EXOC5: variants seen among roughly 807,000 people sequenced by gnomAD.
The protein encoded by EXOC5 is SEC10-like 1.
Under a neutral mutation model 90.8 loss-of-function variants are expected in EXOC5, and 17 were observed. That is an observed-to-expected ratio of 0.19 (90% CI 0.13 to 0.28). The LOEUF (loss-of-function observed/expected upper bound fraction) is 0.28. Ranked by LOEUF, EXOC5 falls within the 10% of genes least tolerant of loss-of-function variation. The pLI is 1.00. For missense variants in EXOC5, 569 were observed against 830.6 expected (o/e 0.69, Z 3.87); for synonymous variants, 260 against 270.0 (o/e 0.96, Z 0.36).
intron 5 of EXOC5, 97 bp downstream of exon 5, chr14:57,239,498 T>C (rs548263236): frequency 2.7e-6 from 2 of 738,120 alleles, no homozygotes; most frequent in South Asian, 3.7e-5. Flanking sequence ...AAATTTCCGT[T>C]TAATTAATGG....
chr14:57,245,397 T>C (rs1884004675), intron 3 of EXOC5, among the ~76,000 whole-genome samples: 1 of 152,042 alleles, frequency 6.6e-6, no homozygotes. Context: ...CAACACACTT[T>C]ACAGATTAAA....
At chr14:57,255,809 G>A (rs1258281172) in intron 1 of EXOC5, among the ~76,000 whole-genome samples, 3 of 150,296 alleles carry the variant, frequency 2.0e-5, no homozygotes, top group African/African-American at 4.9e-5. Context: ...TCCAGCCTGG[G>A]CGACTGAGCA....
chr14:57,200,987 G>C lies in EXOC5; in HGVS notation c.*7622C>G, dbSNP rs1594638097. 2 of 152,310 alleles carry C rather than the reference G, an allele frequency of 1.3e-5. No homozygotes were observed. Among genetic ancestry groups the C allele is most frequent in the East Asian group, 3.9e-4 (2 of 5,172 alleles). The allele number at this position is 152,310 out of a possible 1,614,324, so 9.4% of individuals were successfully genotyped here. ...AGTATGGAAGCTCAAGTGAGGTGAGGAAGATGTTGCAGAGGGGCGCATGGG... is the reference window on the plus strand; with the variant it reads ...AGTATGGAAGCTCAAGTGAGGTGAGCAAGATGTTGCAGAGGGGCGCATGGG... On this transcript the variant is annotated 3_prime_UTR_variant, in exon 18 of 18. Coordinates refer to ENST00000621441, the MANE Select transcript of EXOC5 (RefSeq NM_006544.4).
chr14:57,256,388 G>T (rs1245449418), intron 1 of EXOC5, among the ~76,000 whole-genome samples: 1 of 152,140 alleles, frequency 6.6e-6, no homozygotes, highest in Non-Finnish European at 1.5e-5. Flanking sequence ...CCAGTTGAAG[G>T]TAAGGCAGAG....
At position 57,200,770 on chromosome 14, in the gene EXOC5, A is replaced by C. The variant is rs867885914; in HGVS notation, c.*7839T>G. 3.1e-4 allele frequency: 47 copies of C among 151,938 alleles called. No individual in the cohort carries two copies. Among genetic ancestry groups the C allele is most frequent in the Admixed American group, 3.3e-4 (5 of 15,260 alleles). The allele number at this position is 151,938 out of a possible 1,614,324, so 9.4% of individuals were successfully genotyped here. On this transcript the variant is annotated 3_prime_UTR_variant, in exon 18 of 18. Transcript: ENST00000621441. ...TGCTCACTACATTAAAAAAAAAAAA[A>C]AAAAACTTCCACCAAAAATATAGTT...
chr14:57,202,540 T>C lies in EXOC5; in HGVS notation c.*6069A>G, dbSNP rs886553485. On this transcript the variant is annotated 3_prime_UTR_variant, in exon 18 of 18. Transcript: ENST00000621441. ...ACAACCCTTCTGTTAAGTCTGATTG[T>C]TTCAAAAATTTTTCTTTAAAAAGCA... 1 of 152,180 alleles carries C rather than the reference T, an allele frequency of 6.6e-6. No individual in the cohort carries two copies. The highest frequency in any genetic ancestry group is 2.4e-5 in the African/African-American group (1 of 41,450). 9.4% of individuals were successfully genotyped at this position (152,180 alleles called of 1,614,324 possible). A position where few individuals can be genotyped will look rare whatever the true frequency, so the allele number is the denominator to read the frequency against.
chr14:57,218,717 G>A (rs566612947), intron 14 of EXOC5, among the ~76,000 whole-genome samples: 5 of 151,892 alleles, frequency 3.3e-5, no homozygotes, highest in Non-Finnish European at 7.4e-5. Context: ...GACTAGTCTC[G>A]GCATATCAAT....
chr14:57,223,852 C>T (rs1377027068), intron 12 of EXOC5, among the ~76,000 whole-genome samples: 3 of 152,036 alleles, frequency 2.0e-5, no homozygotes, highest in East Asian at 3.8e-4. Flanking sequence ...GGGTTCACAT[C>T]ATACAAAGTA....
At chr14:57,265,854 T>C (rs1200342880) in intron 1 of EXOC5, among the ~76,000 whole-genome samples, 1 of 152,218 alleles carries the variant, frequency 6.6e-6, no homozygotes, top group African/African-American at 2.4e-5. Flanking sequence ...TGTACATGGA[T>C]CTTTTCAGAA....
chr14:57,254,223 T>C (rs1594680247), intron 1 of EXOC5, among the ~76,000 whole-genome samples: 1 of 151,948 alleles, frequency 6.6e-6, no homozygotes, highest in African/African-American at 2.4e-5. Context: ...TCTCTTGAGG[T>C]CAGGAGTTCG....
intron 12 of EXOC5, among the ~76,000 whole-genome samples, chr14:57,224,137 C>T (rs551715395): frequency 1.3e-5 from 2 of 151,890 alleles, no homozygotes; most frequent in African/African-American, 4.8e-5. Context: ...TCAATGACCT[C>T]AGCTTCCACC....
In EXOC5 at chr14:57,200,895, G is replaced by A. The variant is rs751692297; in HGVS notation, c.*7714C>T. The A allele has an allele frequency of 1.2e-4, 18 of 151,904 alleles. No homozygotes were observed. The highest frequency in any genetic ancestry group is 2.4e-4 in the Non-Finnish European group (16 of 67,994). The allele number at this position is 151,904 out of a possible 1,614,324, so 9.4% of individuals were successfully genotyped here. A position where few individuals can be genotyped will look rare whatever the true frequency, so the allele number is the denominator to read the frequency against. On this transcript the variant is annotated 3_prime_UTR_variant, in exon 18 of 18. Transcript: ENST00000621441. ...CTTATTCCCTCAATTTGGTCCTAAA[G>A]CCAAAACTTCAAGAGCTATGTGAGA...
chr14:57,240,591 T>A (rs1883830765), intron 4 of EXOC5, among the ~76,000 whole-genome samples: 1 of 152,014 alleles, frequency 6.6e-6, no homozygotes, highest in African/African-American at 2.4e-5. Flanking sequence ...CAGAAATGTG[T>A]AAATTTATTC....
Position 57,209,577 on chromosome 14 carries a change from T to C in EXOC5, c.1928A>G (p.Lys643Arg), listed in dbSNP as rs770021082. The part of the protein sequence containing the change: ...CDVAEYRKCA[K>R]DFKIPMVLHL... ...TTTGTGTACACATACCTTGAAGTCT[T>C]TGGCACACTTCCTATATTCGGCTAC... Residue 643 changes from lysine to arginine, a missense_variant, in exon 17 of 18, where the codon AAA (lysine) becomes AGA (arginine). This residue lies in a region of EXOC5 where 122 missense variants were observed against 180.0 expected (regional missense o/e 0.68). Coordinates refer to ENST00000621441, the MANE Select transcript of EXOC5 (RefSeq NM_006544.4). 1 of 1,608,126 alleles carries C rather than the reference T, an allele frequency of 6.2e-7. No homozygotes were observed. The highest frequency in any genetic ancestry group is 1.7e-5 in the Admixed American group (1 of 59,886).
rs1882709869 is a variant in EXOC5, at chr14:57,208,045, GA to G, written c.*563del. 6.6e-6 allele frequency: 1 copy of G among 152,026 alleles called. No individual in the cohort carries two copies. Among genetic ancestry groups the G allele is most frequent in the Non-Finnish European group, 1.5e-5 (1 of 68,046 alleles). 9.4% of individuals were successfully genotyped at this position (152,026 alleles called of 1,614,324 possible). A position where few individuals can be genotyped will look rare whatever the true frequency, so the allele number is the denominator to read the frequency against. On this transcript the variant is annotated 3_prime_UTR_variant, in exon 18 of 18. Transcript: ENST00000621441. ...GGACTAGTATTAATGCTGTACCTCA[GA>G]AAAAAATCCAATCAACCAACTGCAG...
intron 5 of EXOC5, among the ~76,000 whole-genome samples, chr14:57,239,271 A>G (rs1883781263): frequency 6.6e-6 from 1 of 152,218 alleles, no homozygotes; most frequent in Admixed American, 6.5e-5. Context: ...CCTGGTTCTC[A>G]AAGTCCAAAG....
Position 57,203,690 on chromosome 14 carries a change from T to G in EXOC5, c.*4919A>C, listed in dbSNP as rs536323025. ...ACTGATTATAAAGTAATTTAAGTGA[T>G]TTTTGAAAGTAAACTTAATTCCAGT... On this transcript the variant is annotated 3_prime_UTR_variant, in exon 18 of 18. Transcript: ENST00000621441. 67 of 152,762 alleles carry G rather than the reference T, an allele frequency of 4.4e-4. No homozygotes were observed. Among genetic ancestry groups the G allele is most frequent in the African/African-American group, 1.6e-3 (65 of 41,574 alleles). 9.5% of individuals were successfully genotyped at this position (152,762 alleles called of 1,614,324 possible).
intron 10 of EXOC5, chr14:57,231,943 T>G (rs1195946760): frequency 2.5e-5 from 10 of 398,868 alleles, no homozygotes; most frequent in Non-Finnish European, 4.0e-5. Flanking sequence ...TATAAATTCC[T>G]AGGAAAAGAA....
intron 1 of EXOC5, among the ~76,000 whole-genome samples, chr14:57,263,892 C>T (rs1337874563): frequency 6.6e-6 from 1 of 152,050 alleles, no homozygotes; most frequent in African/African-American, 2.4e-5. Context: ...AAACTGGAGC[C>T]ATCTTGTGTC....
Sources: allele counts gnomAD v4.1 joint callset (sites outside exome capture counted in the v4.1 genomes callset), GRCh38; gene constraint gnomAD v4.1.1; regional missense constraint gnomAD v4.1.1; transcripts MANE v1.5; gene names NCBI Gene and HGNC (gene_info 2026-07-23, HGNC 2026-07-21).